Variants in GREB1 observed in about 807,000 individuals in gnomAD.
GREB1 encodes the protein protein GREB1.
GREB1 carries 106 observed loss-of-function variants against 200.7 expected under a neutral mutation model. The ratio of observed to expected loss-of-function variants is 0.53; its 90% CI spans 0.45 to 0.62. The LOEUF (loss-of-function observed/expected upper bound fraction) is 0.62. Among genes scored for constraint, GREB1 ranks in the 20% least tolerant of loss-of-function variants. The pLI is 0.00. For missense variants in GREB1, 2,243 were observed against 2,556.8 expected, an observed-to-expected ratio of 0.88 and a Z score of 2.65; for synonymous variants, 1,132 against 1,092.4, an observed-to-expected ratio of 1.04 and a Z score of -0.72.
At chr2:11,600,113 A>G (rs1306883120) in intron 15 of GREB1, among the ~76,000 whole-genome samples, 6 of 152,210 alleles carry the variant, frequency 3.9e-5, no homozygotes, top group Non-Finnish European at 1.5e-5. Context: ...AGGGTTTACA[A>G]TCCAGAATCC....
At chr2:11,567,995 C>T (rs975926055) in intron 4 of GREB1, among the ~76,000 whole-genome samples, 19 of 152,346 alleles carry the variant, frequency 1.2e-4, no homozygotes, top group African/African-American at 4.1e-4. Context: ...TCCGTCTGGC[C>T]TGGCATCTTC....
At chr2:11,585,559 G>A (rs1268897123) in intron 8 of GREB1, among the ~76,000 whole-genome samples, 1 of 152,242 alleles carries the variant, frequency 6.6e-6, no homozygotes, top group Non-Finnish European at 1.5e-5. Context: ...TCGAAGAGGA[G>A]ACTGAACTAC....
chr2:11,581,113 AG>A, intron 7 of GREB1: 1 of 607,748 alleles, frequency 1.6e-6, no homozygotes, highest in Non-Finnish European at 3.0e-6. Context: ...GCACAGCTGG[AG>A]GATGGTAGAA....
At chr2:11,542,107 G>A (rs1674814873) in intron 1 of GREB1, among the ~76,000 whole-genome samples, 1 of 152,060 alleles carries the variant, frequency 6.6e-6, no homozygotes, top group African/African-American at 2.4e-5. Context: ...GGCAGGAACT[G>A]TGTCTAGTTC....
Position 11,593,060 on chromosome 2 carries a change from A to G in GREB1, c.1630A>G (p.Thr544Ala), listed in dbSNP as rs1166550632. The stretch of plus-strand genomic sequence containing the variant: ...GTTGGTCGAGGGCAAGCTTGCCAAG[A>G]CCAACTACGTGGTCATCATCTGCGC... ...RLLVEGKLAK[T>A]NYVVIICACR... Residue 544 changes from threonine (T) to alanine (A), a missense_variant, in exon 11 of 33, where the codon ACC (threonine) becomes GCC (alanine). Physicochemically the swap from Thr to Ala is moderately conservative, Grantham distance 58 (BLOSUM62 0). Transcript: ENST00000381486. 6.2e-7 allele frequency: 1 copy of G among 1,612,568 alleles called. No individual in the cohort carries two copies. Among genetic ancestry groups the G allele is most frequent in the Non-Finnish European group, 8.5e-7 (1 of 1,179,594 alleles).
In GREB1 at chr2:11,592,768, T is replaced by G. The variant is rs1395597018; in HGVS notation, c.1346-8T>G. On this transcript the variant is annotated splice_polypyrimidine_tract_variant and splice_region_variant and intron_variant, in intron 10 of 32. Coordinates refer to ENST00000381486, the MANE Select transcript of GREB1 (RefSeq NM_014668.4). Reference sequence around the variant, plus strand: ...TGTGGCAGGCCCTCCGCCCGCATTGTGTTGCAGCCGCGGACCAGGTGCCCT... The same window carrying G: ...TGTGGCAGGCCCTCCGCCCGCATTGGGTTGCAGCCGCGGACCAGGTGCCCT... 1 of 1,497,192 alleles carries G rather than the reference T, an allele frequency of 6.7e-7. No individual in the cohort carries two copies. Among genetic ancestry groups the G allele is most frequent in the East Asian group, 2.5e-5 (1 of 39,464 alleles). 92.7% of individuals were successfully genotyped at this position (1,497,192 alleles called of 1,614,324 possible).
At chr2:11,559,556 T>G (rs1676776359) in intron 2 of GREB1, among the ~76,000 whole-genome samples, 1 of 152,196 alleles carries the variant, frequency 6.6e-6, no homozygotes, top group Non-Finnish European at 1.5e-5. Context: ...GGTGCGGGCC[T>G]TGGGGGCTGC....
At chr2:11,553,663 T>C (rs992431116) in intron 1 of GREB1, among the ~76,000 whole-genome samples, 7 of 152,164 alleles carry the variant, frequency 4.6e-5, no homozygotes, top group Admixed American at 4.6e-4. Flanking sequence ...ACCTCTTCCA[T>C]GGGCTACCAT....
Position 11,556,761 on chromosome 2 carries a change from C to G in GREB1, c.147C>G (p.Ala49=), listed in dbSNP as rs776298348. 1.2e-6 allele frequency: 2 copies of G among 1,613,638 alleles called. No homozygotes were observed. The highest frequency in any genetic ancestry group is 1.7e-6 in the Non-Finnish European group (2 of 1,179,806). ...QLYLEAEQQL[A]ALEGGSRVDN... Reference sequence around the variant, plus strand: ...ACCTGGAAGCTGAGCAGCAGCTTGCCGCTCTAGAAGGTGGGAGACGCACGT... The same window carrying G: ...ACCTGGAAGCTGAGCAGCAGCTTGCGGCTCTAGAAGGTGGGAGACGCACGT... The change falls in exon 2 of 33, where the codon GCC becomes GCG. Residue 49 remains alanine, a synonymous_variant. Coordinates refer to ENST00000381486, the MANE Select transcript of GREB1 (RefSeq NM_014668.4).
intron 15 of GREB1, among the ~76,000 whole-genome samples, chr2:11,599,976 T>G (rs1681637362): frequency 6.6e-6 from 1 of 152,206 alleles, no homozygotes; most frequent in Admixed American, 6.5e-5. Flanking sequence ...GGTTGTACCT[T>G]CAGACATTTC....
intron 7 of GREB1, among the ~76,000 whole-genome samples, chr2:11,581,516 G>A (rs1169811688): frequency 6.6e-6 from 1 of 152,166 alleles, no homozygotes; most frequent in Non-Finnish European, 1.5e-5. Context: ...GTGAGGATAT[G>A]GATGAGAGGG....
intron 25 of GREB1, among the ~76,000 whole-genome samples, chr2:11,628,166 T>C (rs1252163046): frequency 1.3e-5 from 2 of 152,230 alleles, no homozygotes; most frequent in African/African-American, 2.4e-5. Context: ...GAGCTGTGTT[T>C]AGACTGGTCT....
chr2:11,637,178 G>A (rs74173222), intron 30 of GREB1, among the ~76,000 whole-genome samples: 35,546 of 151,996 alleles, frequency 0.23, 4,549 homozygotes, highest in East Asian at 0.39. Context: ...GGAGGGTGGC[G>A]GAGAGGAGCT....
intron 1 of GREB1, among the ~76,000 whole-genome samples, chr2:11,484,586 A>T (rs13006943): frequency 0.46 from 64,700 of 139,740 alleles, 15,037 homozygotes; most frequent in Middle Eastern, 0.54. Flanking sequence ...CTCATCTCTT[A>T]AAAAACAAAA....
rs559896311 is a variant in GREB1 at position 11,619,004 on chromosome 2, G to A, written c.4044+85G>A. 147 of 1,238,842 alleles carry A rather than the reference G, an allele frequency of 1.2e-4. 1 individual carries two copies. The highest frequency in any genetic ancestry group is 4.1e-4 in the East Asian group (16 of 38,918). The allele number at this position is 1,238,842 out of a possible 1,614,324, so 76.7% of individuals were successfully genotyped here. On this transcript the variant is annotated intron_variant, in intron 22 of 32. Coordinates refer to ENST00000381486, the MANE Select transcript of GREB1 (RefSeq NM_014668.4). Reference sequence around the variant, plus strand: ...CTGGAGGGCAGGCCTGGGGGTGACCGCACCCACGTCTTCACTTTTCACCCT... The same window carrying A: ...CTGGAGGGCAGGCCTGGGGGTGACCACACCCACGTCTTCACTTTTCACCCT...
rs1158678858 is a variant in GREB1 at position 11,493,112 on chromosome 2, G to A, written c.-159+10731G>A. 2.6e-5 allele frequency among the ~76,000 whole-genome samples: 4 copies of A among 152,170 alleles called. No homozygotes were observed. The highest frequency in any genetic ancestry group is 9.7e-5 in the African/African-American group (4 of 41,440). ...ACCTTGAGTAGCATCCCAACTATAT[G>A]ATTTTCAACTTGGTTAAACAATAAG... On this transcript the variant is annotated intron_variant, in intron 1 of 2. Coordinates refer to the GREB1 transcript ENST00000628795. This position sits in a 1 kb window ranked among gnomAD's most constrained non-coding sequence, Gnocchi z 4.6.
rs772154791 is a variant in GREB1 at position 11,576,374 on chromosome 2, G to C, written c.476G>C (p.Gly159Ala). 2 of 1,613,530 alleles carry C rather than the reference G, an allele frequency of 1.2e-6. No homozygotes were observed. Among genetic ancestry groups the C allele is most frequent in the African/African-American group, 1.3e-5 (1 of 74,982 alleles). ...CCAGGTTTCTCTGGGAATTGTGTTGGCTGTGGAAAGAAAGGCTTCTGTTAC... is the reference window on the plus strand; with the variant it reads ...CCAGGTTTCTCTGGGAATTGTGTTGCCTGTGGAAAGAAAGGCTTCTGTTAC... ...ALLGFSGNCVGCGKKGFCYFT... is the reference protein window; with the variant it reads ...ALLGFSGNCVACGKKGFCYFT... Residue 159 changes from glycine to alanine, a missense_variant, in exon 5 of 33, where the codon GGC (glycine) becomes GCC (alanine). Coordinates refer to ENST00000381486, the MANE Select transcript of GREB1 (RefSeq NM_014668.4).
intron 4 of GREB1, among the ~76,000 whole-genome samples, chr2:11,572,520 A>G (rs1678415269): frequency 6.6e-6 from 1 of 152,190 alleles, no homozygotes; most frequent in South Asian, 2.1e-4. Flanking sequence ...AAGGAGGCAT[A>G]GGGCCGATTT....
chr2:11,621,802 A>AAT (rs1264509846), intron 23 of GREB1, among the ~76,000 whole-genome samples: 1 of 152,194 alleles, frequency 6.6e-6, no homozygotes, highest in Non-Finnish European at 1.5e-5. Flanking sequence ...AAGGAAGCCC[A>AAT]TCCAGCCCTC....
Sources: gnomAD v4.1 joint callset for allele counts (sites outside exome capture counted in the v4.1 genomes callset) on GRCh38, gnomAD v4.1.1 for gene constraint, Gnocchi (gnomAD v3.1) non-coding constraint, MANE v1.5 for transcripts, NCBI Gene and HGNC (gene_info 2026-07-23, HGNC 2026-07-21) for gene names.